RAB2B: variants seen among roughly 807,000 people sequenced by gnomAD.
RAB2B encodes ras-related protein Rab-2B.
A neutral mutation model predicts 29.8 loss-of-function variants in RAB2B; 20 were observed. The observed-to-expected ratio is 0.67, with a 90% CI of 0.47 to 0.97. The LOEUF (loss-of-function observed/expected upper bound fraction) is 0.97. RAB2B is among the 50% of genes least tolerant of loss of function. The pLI, the probability that RAB2B is intolerant of heterozygous loss-of-function variation, is 0.00. For synonymous variants in RAB2B, 93 were observed against 91.7 expected (o/e 1.01, Z -0.08); for missense variants, 218 against 272.0 (o/e 0.80, Z 1.40).
At chr14:21,465,688 C>T (rs1055674015) in intron 5 of RAB2B, among the ~76,000 whole-genome samples, 12 of 151,918 alleles carry the variant, frequency 7.9e-5, no homozygotes, top group African/African-American at 1.5e-4. Context: ...ATTTTTAATC[C>T]CCCATCTCCC....
At chr14:21,471,094 GC>G (rs1368960849) in intron 3 of RAB2B, among the ~76,000 whole-genome samples, 1 of 151,370 alleles carries the variant, frequency 6.6e-6, no homozygotes, top group Non-Finnish European at 1.5e-5. Flanking sequence ...AACTGCTTGA[GC>G]CCGGGAGGCA....
chr14:21,468,583 C>G (rs985923096), intron 4 of RAB2B, 87 bp downstream of exon 4: 1 of 1,273,738 alleles, frequency 7.9e-7, no homozygotes, highest in Non-Finnish European at 1.1e-6. Context: ...AGTTAACATC[C>G]TTAACAGAAT....
chr14:21,462,554 G>C, intron 6 of RAB2B, 136 bp from the exon 7 acceptor site: 1 of 831,888 alleles, frequency 1.2e-6, no homozygotes, highest in Non-Finnish European at 1.7e-6. Flanking sequence ...AAACATAGAA[G>C]GTCGGTTGGG....
At chr14:21,473,027 T>C (rs1266029395) in intron 3 of RAB2B, among the ~76,000 whole-genome samples, 3 of 152,076 alleles carry the variant, frequency 2.0e-5, no homozygotes, top group African/African-American at 2.4e-5. Context: ...CCCCCGTCTC[T>C]ACAAAAAATA....
chr14:21,463,278 G>C (rs942774796), intron 6 of RAB2B, among the ~76,000 whole-genome samples: 1 of 121,614 alleles, frequency 8.2e-6, no homozygotes, highest in African/African-American at 3.3e-5. Context: ...ATGGAGTTTT[G>C]CTCTGTTGCC....
intron 6 of RAB2B, among the ~76,000 whole-genome samples, 160 bp downstream of exon 6, chr14:21,463,496 C>G (rs750147434): frequency 6.6e-5 from 10 of 152,200 alleles, no homozygotes; most frequent in Non-Finnish European, 1.5e-4. Context: ...ATCTGCCTGC[C>G]TTGGCCTCCC....
At chr14:21,463,806 AT>A (rs1566467194) in intron 5 of RAB2B, 39 bp from the exon 6 acceptor site, 1 of 1,321,876 alleles carries the variant, frequency 7.6e-7, no homozygotes, top group African/African-American at 1.5e-5. Context: ...TAAAAAAAAG[AT>A]CCAAGTGAAA....
At chr14:21,466,395 G>A (rs1172696019) in intron 5 of RAB2B, among the ~76,000 whole-genome samples, 1 of 152,240 alleles carries the variant, frequency 6.6e-6, no homozygotes, top group Non-Finnish European at 1.5e-5. Flanking sequence ...ACTGAGGCAG[G>A]AGAATCGCTT....
intron 2 of RAB2B, 67 bp from the exon 3 acceptor site, chr14:21,475,001 C>T (rs1189373859): frequency 7.9e-7 from 1 of 1,259,632 alleles, no homozygotes; most frequent in Non-Finnish European, 1.2e-6. Context: ...GTGGGAGGTT[C>T]CTGCCTTTCC....
chr14:21,476,400 G>T, intron 2 of RAB2B, 128 bp downstream of exon 2: 1 of 909,690 alleles, frequency 1.1e-6, no homozygotes, highest in Non-Finnish European at 1.7e-6. Flanking sequence ...ATTAACATAA[G>T]TTTGGACTAG....
chr14:21,465,242 C>A (rs1241291737), intron 5 of RAB2B, among the ~76,000 whole-genome samples: 1 of 152,174 alleles, frequency 6.6e-6, no homozygotes, highest in Non-Finnish European at 1.5e-5. Flanking sequence ...ACCTCTAGCC[C>A]AGATGCTTGA....
At chr14:21,472,792 A>G (rs959368817) in intron 3 of RAB2B, among the ~76,000 whole-genome samples, 2 of 151,076 alleles carry the variant, frequency 1.3e-5, no homozygotes, top group African/African-American at 2.4e-5. Context: ...TCTTACTTTC[A>G]TGATCCAACC....
At chr14:21,474,367 T>C (rs1044604382) in intron 3 of RAB2B, among the ~76,000 whole-genome samples, 2 of 152,202 alleles carry the variant, frequency 1.3e-5, no homozygotes, top group Non-Finnish European at 2.9e-5. Context: ...CCCCACAACA[T>C]AGAGATTGTT....
In RAB2B at chr14:21,471,336, G is replaced by T. The variant is rs543502877; in HGVS notation, c.187-2584C>A. Among the ~76,000 whole-genome samples the T allele has an allele frequency of 4.6e-5, 7 of 151,542 alleles. No individual in the cohort carries two copies. In the East Asian group the frequency reaches 1.2e-3, roughly 26 times the overall value. On this transcript the variant is annotated intron_variant, in intron 3 of 7. Transcript: ENST00000397762. ...CCAGTAAAAAAATCTGAAGCAGCAG[G>T]CTGGGCACCGTGGGTCATGCCTATA...
chr14:21,464,573 A>G (rs539558447), intron 5 of RAB2B, among the ~76,000 whole-genome samples: 2 of 152,314 alleles, frequency 1.3e-5, no homozygotes, highest in Admixed American at 6.5e-5. Context: ...TTTCGTTACT[A>G]GTGCATATAA....
Position 21,461,029 on chromosome 14 carries a change from G to A in RAB2B, c.*167C>T, listed in dbSNP as rs1890542107. 3.7e-6 allele frequency: 2 copies of A among 534,612 alleles called. No individual in the cohort carries two copies. Among genetic ancestry groups the A allele is most frequent in the Non-Finnish European group, 6.8e-6 (2 of 296,296 alleles). 33.1% of individuals were successfully genotyped at this position (534,612 alleles called of 1,614,324 possible). On this transcript the variant is annotated 3_prime_UTR_variant, in exon 8 of 8. Transcript: ENST00000397762. ...AGGGAATGCTCATGTCCCTGAAGGA[G>A]GACAGGTCAGTAAGGGCCCAAATTC...
At chr14:21,472,251 A>C (rs1299278198) in intron 3 of RAB2B, among the ~76,000 whole-genome samples, 1 of 152,214 alleles carries the variant, frequency 6.6e-6, no homozygotes, top group African/African-American at 2.4e-5. Context: ...ATTATTTAGG[A>C]ATACGTGTAT....
chr14:21,476,252 A>G (rs1187899296), intron 2 of RAB2B: 2 of 382,132 alleles, frequency 5.2e-6, no homozygotes, highest in African/African-American at 4.1e-5. Context: ...CTTTCGTGGG[A>G]TTTTCCATAA....
chr14:21,470,472 T>G (rs1890782134), intron 3 of RAB2B, among the ~76,000 whole-genome samples: 1 of 152,134 alleles, frequency 6.6e-6, no homozygotes, highest in South Asian at 2.1e-4. Flanking sequence ...AGGTTAATTT[T>G]CCAACAACAG....
Sources: gnomAD v4.1 joint callset for allele counts (sites outside exome capture counted in the v4.1 genomes callset) on GRCh38, gnomAD v4.1.1 for gene constraint, MANE v1.5 for transcripts, NCBI Gene and HGNC (gene_info 2026-07-23, HGNC 2026-07-21) for gene names.